The following TYSND1 variants were observed in gnomAD, a reference collection of about 807,000 sequenced individuals.
TYSND1 encodes peroxisomal leader peptide-processing protease.
A neutral mutation model predicts 37.2 loss-of-function variants in TYSND1; 30 were observed. The ratio of observed to expected loss-of-function variants is 0.81; its 90% CI spans 0.60 to 1.09. TYSND1 has a LOEUF of 1.09. Among genes scored for constraint, TYSND1 ranks in the 50% least tolerant of loss-of-function variants. The probability of loss-of-function intolerance (pLI) is 0.00; values close to 1 mark genes in which losing one functional copy is unlikely to be tolerated. For missense variants in TYSND1, 806 were observed against 817.4 expected, an observed-to-expected ratio of 0.99 and a Z score of 0.17; for synonymous variants, 364 against 383.8, an observed-to-expected ratio of 0.95 and a Z score of 0.60.
At position 70,139,812 on chromosome 10, in the gene TYSND1, A is replaced by G; in HGVS notation, c.*112T>C. On this transcript the variant is annotated 3_prime_UTR_variant, in exon 4 of 4. Transcript: ENST00000287078. ...CAGTCAGTGGGTGGAGATGAGAGGC[A>G]GCCTGGGCCCCTGCAGGGGCTGGGC... The G allele has an allele frequency of 9.3e-7, 1 of 1,077,964 alleles. No individual in the cohort carries two copies. Among genetic ancestry groups the G allele is most frequent in the Non-Finnish European group, 1.3e-6 (1 of 753,460 alleles). 66.8% of individuals were successfully genotyped at this position (1,077,964 alleles called of 1,614,324 possible). A position where few individuals can be genotyped will look rare whatever the true frequency, so the allele number is the denominator to read the frequency against.
At position 70,145,888 on chromosome 10, in the gene TYSND1, G is replaced by T. The variant is rs1461758739; in HGVS notation, c.699C>A (p.Ile233=). The T allele has an allele frequency of 2.6e-6, 4 of 1,547,150 alleles. No individual in the cohort carries two copies. Among genetic ancestry groups the T allele is most frequent in the African/African-American group, 2.7e-5 (2 of 72,840 alleles). Residue 233 remains isoleucine (I), a synonymous_variant, in exon 1 of 4, where the codon ATC becomes ATA. Coordinates refer to ENST00000287078, the MANE Select transcript of TYSND1 (RefSeq NM_173555.4). ...GSPFGAFCPD[I]FLNTLSCGVL... ...CCCCGCAGCTCAGCGTGTTGAGAAA[G>T]ATGTCGGGGCAGAAGGCGCCGAAAG... is the stretch of plus-strand genomic sequence containing the variant.
Position 70,142,860 on chromosome 10 carries a change from G to C in TYSND1, c.1298-7C>G, listed in dbSNP as rs774561055. The C allele has an allele frequency of 2.5e-6, 4 of 1,612,462 alleles. No homozygotes were observed. The South Asian group carries it at 4.4e-5, about 18-fold the overall frequency. Reference sequence around the variant, plus strand: ...ACCACACTCACAGCCTCGCCTGCCAGGGAAGGAAGGAGGGTGAAGCTGGGG... The same window carrying C: ...ACCACACTCACAGCCTCGCCTGCCACGGAAGGAAGGAGGGTGAAGCTGGGG... On this transcript the variant is annotated splice_region_variant and splice_polypyrimidine_tract_variant and intron_variant, in intron 2 of 3. Coordinates refer to ENST00000287078, the MANE Select transcript of TYSND1 (RefSeq NM_173555.4).
chr10:70,143,694 C>T, intron 2 of TYSND1, 148 bp downstream of exon 2: 1 of 947,178 alleles, frequency 1.1e-6, no homozygotes. Flanking sequence ...CTCCATGTGC[C>T]CCACCAGCAC....
rs1404310196 is a variant in TYSND1, at chr10:70,145,421, T to C, written c.1166A>G (p.Lys389Arg). Residue 389 changes from lysine (K) to arginine (R), a missense_variant and splice_region_variant, in exon 1 of 4, where the codon AAG becomes AGG. Lys to Arg is a conservative substitution (Grantham distance 26, BLOSUM62 2). This residue lies in a region of TYSND1 where 708 missense variants were observed against 705.4 expected (regional missense o/e 1.00). Transcript: ENST00000287078. Reference protein sequence around the residue: ...ARVLVRSTTPKSVAIWGRVVF... With the variant: ...ARVLVRSTTPRSVAIWGRVVF... Reference sequence around the variant, plus strand: ...AGTGGCGTCAGCCCTGCGGGCTTACTTGGGGGTGGTGGAGCGCACCAGGAC... The same window carrying C: ...AGTGGCGTCAGCCCTGCGGGCTTACCTGGGGGTGGTGGAGCGCACCAGGAC... The C allele has an allele frequency of 2.8e-6, 4 of 1,426,286 alleles. No individual in the cohort carries two copies. Among genetic ancestry groups the C allele is most frequent in the Non-Finnish European group, 2.8e-6 (3 of 1,088,770 alleles). 88.4% of individuals were successfully genotyped at this position (1,426,286 alleles called of 1,614,324 possible).
In TYSND1 at chr10:70,146,428, G is replaced by A. The variant is rs745391748; in HGVS notation, c.159C>T (p.Phe53=). The A allele has an allele frequency of 1.1e-5, 18 of 1,602,280 alleles. No homozygotes were observed. The highest frequency in any genetic ancestry group is 1.4e-5 in the Non-Finnish European group (17 of 1,178,254). The change falls in exon 1 of 4, where the codon TTC becomes TTT. Residue 53 remains phenylalanine (F), a synonymous_variant. Coordinates refer to ENST00000287078, the MANE Select transcript of TYSND1 (RefSeq NM_173555.4). ...PGLVLCHGGI[F]VPFLRAGSEV... The stretch of plus-strand genomic sequence containing the variant: ...CGCTGCCAGCTCGCAGGAAGGGGAC[G>A]AAGATGCCCCCGTGGCAAAGCACCA...
Position 70,146,172 on chromosome 10 carries a change from T to TCAGCAG in TYSND1, c.409_414dup (p.Leu137_Leu138dup), listed in dbSNP as rs746237835. 1.9e-6 allele frequency: 3 copies of TCAGCAG among 1,545,518 alleles called. No individual in the cohort carries two copies. Among genetic ancestry groups the TCAGCAG allele is most frequent in the Non-Finnish European group, 2.6e-6 (3 of 1,149,228 alleles). On this transcript the variant is annotated inframe_insertion, in exon 1 of 4. Coordinates refer to ENST00000287078, the MANE Select transcript of TYSND1 (RefSeq NM_173555.4). ...AAGTGGGCCCAGAAGGCCGGGCAGC[T>TCAGCAG]CAGCAGCAGCAGCAGCTCAGCAGGA...
At chr10:70,145,268 A>G (rs1185247577) in intron 1 of TYSND1, among the ~76,000 whole-genome samples, 153 bp downstream of exon 1, 1 of 152,152 alleles carries the variant, frequency 6.6e-6, no homozygotes, top group Non-Finnish European at 1.5e-5. Flanking sequence ...CTGGGTATAA[A>G]GGATGAGGGG....
Position 70,145,499 on chromosome 10 carries a change from G to A in TYSND1, c.1088C>T (p.Ala363Val). Residue 363 changes from alanine to valine, a missense_variant, in exon 1 of 4, where the codon GCA (alanine) becomes GTA (valine). Ala to Val is a moderately conservative substitution (Grantham distance 64). Around this residue, in one of 3 missense-constraint regions of TYSND1, gnomAD observed 708 missense variants for 705.4 expected, o/e 1.00. Coordinates refer to ENST00000287078, the MANE Select transcript of TYSND1 (RefSeq NM_173555.4). ...GTVWGSGVAVAPRLVVTCRHV... is the reference protein window; with the variant it reads ...GTVWGSGVAVVPRLVVTCRHV... ...CCGACAGGTCACTACAAGGCGGGGTGCCACAGCCACTCCGGAGCCCCATAC... is the reference window on the plus strand; with the variant it reads ...CCGACAGGTCACTACAAGGCGGGGTACCACAGCCACTCCGGAGCCCCATAC... The A allele has an allele frequency of 6.5e-7, 1 of 1,530,974 alleles. No individual in the cohort carries two copies. The highest frequency in any genetic ancestry group is 8.7e-7 in the Non-Finnish European group (1 of 1,144,888). The allele number at this position is 1,530,974 out of a possible 1,614,324, so 94.8% of individuals were successfully genotyped here.
chr10:70,146,464 A>G lies in TYSND1; in HGVS notation c.123T>C (p.Arg41=). The G allele has an allele frequency of 1.2e-6, 2 of 1,603,448 alleles. No homozygotes were observed. The highest frequency in any genetic ancestry group is 1.7e-6 in the Non-Finnish European group (2 of 1,178,702). The change falls in exon 1 of 4, where the codon CGT becomes CGC. Residue 41 remains arginine, a synonymous_variant. Transcript: ENST00000287078. ...CGTGGCAAAGCACCAGGCCCGGGCT[A>G]CGGCTCAGGATTACCCCGCTGCAGC... ...PWSCSGVILS[R]SPGLVLCHGG...
In TYSND1 at chr10:70,146,617, C is replaced by G; in HGVS notation, c.-31G>C. ...CTAGGCCGGACACTCGGGAGCTTCT[C>G]CGAGAAACAGCAAGCTAGCGAGCGA... On this transcript the variant is annotated 5_prime_UTR_variant, in exon 1 of 4. Coordinates refer to ENST00000287078, the MANE Select transcript of TYSND1 (RefSeq NM_173555.4). 6.8e-7 allele frequency: 1 copy of G among 1,475,566 alleles called. No homozygotes were observed. 91.4% of individuals were successfully genotyped at this position (1,475,566 alleles called of 1,614,324 possible).
intron 2 of TYSND1, 84 bp from the exon 3 acceptor site, chr10:70,142,937 T>C: frequency 7.0e-7 from 1 of 1,431,478 alleles, no homozygotes; most frequent in Non-Finnish European, 9.5e-7. Flanking sequence ...CCCTACCCTC[T>C]CCAAACATTC....
At chr10:70,144,351 C>T in intron 1 of TYSND1, 1 of 616,636 alleles carries the variant, frequency 1.6e-6, no homozygotes, top group South Asian at 5.6e-5. Flanking sequence ...ACATTCCCAA[C>T]ACCAAACAAA....
chr10:70,142,205 T>G (rs1027692532), intron 3 of TYSND1, among the ~76,000 whole-genome samples: 1 of 152,206 alleles, frequency 6.6e-6, no homozygotes, highest in African/African-American at 2.4e-5. Context: ...ATGTATTTTT[T>G]TAAAAAAGCT....
At position 70,139,906 on chromosome 10, in the gene TYSND1, A is replaced by C. The variant is rs2072734066; in HGVS notation, c.*18T>G. ...GCAGAAAAAGGTCACTCTTCTTTCC[A>C]AAGGTGGTAACACAGCCTCAGAGCT... On this transcript the variant is annotated 3_prime_UTR_variant, in exon 4 of 4. Transcript: ENST00000287078. The C allele has an allele frequency of 6.2e-7, 1 of 1,604,982 alleles. No homozygotes were observed.
chr10:70,142,486 C>T (rs2072795283), intron 3 of TYSND1, among the ~76,000 whole-genome samples, 182 bp downstream of exon 3: 1 of 152,216 alleles, frequency 6.6e-6, no homozygotes, highest in African/African-American at 2.4e-5. Context: ...CTCTTTCCTC[C>T]CAGTCCAGCA....
chr10:70,141,807 T>G (rs2072780225), intron 3 of TYSND1, among the ~76,000 whole-genome samples: 3 of 152,158 alleles, frequency 2.0e-5, no homozygotes, highest in Admixed American at 1.3e-4. Context: ...AACTCCCATT[T>G]CAAGTGATCC....
At position 70,138,005 on chromosome 10, in the gene TYSND1, G is replaced by C. The variant is rs1737292778; in HGVS notation, c.*1919C>G. On this transcript the variant is annotated 3_prime_UTR_variant, in exon 4 of 4. Transcript: ENST00000287078. Reference sequence around the variant, plus strand: ...CTTATGTTTACCGGTTTATTATAAAGGATATCGCAAAGGATACAGATGAAG... The same window carrying C: ...CTTATGTTTACCGGTTTATTATAAACGATATCGCAAAGGATACAGATGAAG... 6.6e-6 allele frequency: 1 copy of C among 152,316 alleles called. No homozygotes were observed. Among genetic ancestry groups the C allele is most frequent in the East Asian group, 1.9e-4 (1 of 5,182 alleles). 9.4% of individuals were successfully genotyped at this position (152,316 alleles called of 1,614,324 possible).
Position 70,139,583 on chromosome 10 carries a change from C to A in TYSND1, c.*341G>T. ...AACAGACGCAAAACCAGGCACGGGC[C>A]TGCCTTCCAGCTGGAATCTACCTGT... On this transcript the variant is annotated 3_prime_UTR_variant, in exon 4 of 4. Transcript: ENST00000287078. The A allele has an allele frequency of 4.5e-6, 1 of 221,176 alleles. No individual in the cohort carries two copies. Among genetic ancestry groups the A allele is most frequent in the Non-Finnish European group, 8.8e-6 (1 of 113,120 alleles). 13.7% of individuals were successfully genotyped at this position (221,176 alleles called of 1,614,324 possible).
rs1386025856 is a variant in TYSND1 at position 70,139,624 on chromosome 10, T to G, written c.*300A>C. ...ATCTACCTGTCAGGCCCAGAACTTCTGTGCAGTTGGAGTGGGCTCCCCAGA... is the reference window on the plus strand; with the variant it reads ...ATCTACCTGTCAGGCCCAGAACTTCGGTGCAGTTGGAGTGGGCTCCCCAGA... On this transcript the variant is annotated 3_prime_UTR_variant, in exon 4 of 4. Coordinates refer to ENST00000287078, the MANE Select transcript of TYSND1 (RefSeq NM_173555.4). 1 of 293,962 alleles carries G rather than the reference T, an allele frequency of 3.4e-6. No individual in the cohort carries two copies. Among genetic ancestry groups the G allele is most frequent in the East Asian group, 5.8e-5 (1 of 17,206 alleles). 18.2% of individuals were successfully genotyped at this position (293,962 alleles called of 1,614,324 possible).
Sources: allele counts gnomAD v4.1 joint callset (sites outside exome capture counted in the v4.1 genomes callset), GRCh38; gene constraint gnomAD v4.1.1; regional missense constraint gnomAD v4.1.1; transcripts MANE v1.5; gene names NCBI Gene and HGNC (gene_info 2026-07-23, HGNC 2026-07-21).